The following PDE8A variants were observed in gnomAD, a reference collection of about 807,000 sequenced individuals.
The protein encoded by PDE8A is high affinity cAMP-specific and IBMX-insensitive 3',5'-cyclic phosphodiesterase 8A.
Under a neutral mutation model 105.0 loss-of-function variants are expected in PDE8A, and 59 were observed. That is an observed-to-expected ratio of 0.56 (90% CI 0.46 to 0.70). The LOEUF (loss-of-function observed/expected upper bound fraction) is 0.70, where lower values mean the gene tolerates loss of function less well. PDE8A is among the 30% of genes least tolerant of loss of function. The pLI is 0.00. For synonymous variants in PDE8A, 355 were observed against 371.9 expected, an observed-to-expected ratio of 0.95 and a Z score of 0.52; for missense variants, 1,014 against 1,045.9, an observed-to-expected ratio of 0.97 and a Z score of 0.42.
At chr15:84,999,666 C>G (rs1477716561) in intron 1 of PDE8A, among the ~76,000 whole-genome samples, 1 of 152,132 alleles carries the variant, frequency 6.6e-6, no homozygotes, top group Non-Finnish European at 1.5e-5. Context: ...CCTCTGCCTC[C>G]CGGGTTCAAG....
chr15:85,045,021 C>T (rs1477217973), intron 1 of PDE8A, among the ~76,000 whole-genome samples: 1 of 152,178 alleles, frequency 6.6e-6, no homozygotes, highest in Non-Finnish European at 1.5e-5. Context: ...CTCTTTGTTT[C>T]CTCCAGTGTC....
intron 6 of PDE8A, 106 bp from the exon 7 acceptor site, chr15:85,089,232 C>T (rs1217426030): frequency 3.0e-6 from 2 of 676,906 alleles, no homozygotes; most frequent in Non-Finnish European, 5.2e-6. Flanking sequence ...ATATTTTCTC[C>T]CTTCCTTATA....
chr15:85,019,184 GA>G (rs2080378444), intron 1 of PDE8A, among the ~76,000 whole-genome samples: 1 of 152,136 alleles, frequency 6.6e-6, no homozygotes, highest in African/African-American at 2.4e-5. Flanking sequence ...TTCTGTAAGG[GA>G]AATGTATATG....
Position 85,064,619 on chromosome 15 carries a change from G to A in PDE8A, c.243+193G>A, listed in dbSNP as rs546157606. On this transcript the variant is annotated intron_variant, in intron 2 of 21. Coordinates refer to ENST00000394553, the MANE Select transcript of PDE8A (RefSeq NM_002605.3). ...TCCTGTTCTTAGAAATACACATTGTGGTGTTTAGAGATGAAGAAGTGTTTG... is the reference window on the plus strand; with the variant it reads ...TCCTGTTCTTAGAAATACACATTGTAGTGTTTAGAGATGAAGAAGTGTTTG... Among the ~76,000 whole-genome samples, 2 of 152,276 alleles carry A rather than the reference G, an allele frequency of 1.3e-5. 1 individual carries two copies. The highest frequency in any genetic ancestry group is 4.1e-4 in the South Asian group (2 of 4,828).
intron 17 of PDE8A, 120 bp from the exon 18 acceptor site, chr15:85,120,677 C>T: frequency 1.5e-6 from 1 of 665,082 alleles, no homozygotes; most frequent in South Asian, 2.0e-5. Context: ...ACGTAGTATG[C>T]TTTTCTTAGA....
intron 1 of PDE8A, among the ~76,000 whole-genome samples, chr15:85,030,283 C>G (rs1344466783): frequency 2.0e-5 from 3 of 151,844 alleles, no homozygotes; most frequent in Non-Finnish European, 4.4e-5. Context: ...GTTCCTGGAA[C>G]CTGAGGTTGT....
At chr15:85,067,289 T>G in intron 3 of PDE8A, 85 bp downstream of exon 3, 1 of 982,542 alleles carries the variant, frequency 1.0e-6, no homozygotes, top group Non-Finnish European at 1.5e-6. Flanking sequence ...TTAGACTCAC[T>G]CTCTTTTAAG....
chr15:85,037,398 G>C (rs1196479255), intron 1 of PDE8A, among the ~76,000 whole-genome samples: 2 of 152,014 alleles, frequency 1.3e-5, no homozygotes, highest in East Asian at 1.9e-4. Context: ...TAACCATCCA[G>C]ATTAAAAAAG....
rs1319937100 is a variant in PDE8A, at chr15:84,982,310, C to T, written c.148C>T (p.Leu50Phe). ...CTTGCCCCGGACCCGCGGCGCCGGCCTCTTGGAGTCGGAGCTTCGCGACGG... is the reference window on the plus strand; with the variant it reads ...CTTGCCCCGGACCCGCGGCGCCGGCTTCTTGGAGTCGGAGCTTCGCGACGG... ...AALPRTRGAG[L>F]LESELRDGSG... The change falls in exon 1 of 22, where the codon CTC becomes TTC. Residue 50 changes from leucine to phenylalanine, a missense_variant. Transcript: ENST00000394553. The T allele has an allele frequency of 5.2e-6, 7 of 1,343,434 alleles. No homozygotes were observed. Among genetic ancestry groups the T allele is most frequent in the South Asian group, 1.9e-5 (1 of 52,726 alleles). 83.2% of individuals were successfully genotyped at this position (1,343,434 alleles called of 1,614,324 possible).
intron 1 of PDE8A, among the ~76,000 whole-genome samples, chr15:85,040,383 A>AG (rs1184850168): frequency 6.6e-6 from 1 of 150,892 alleles, no homozygotes; most frequent in African/African-American, 2.4e-5. Context: ...AAAAAAAAAA[A>AG]AAAAAAAGAA....
At chr15:85,038,982 G>T (rs753327923) in intron 1 of PDE8A, among the ~76,000 whole-genome samples, 2 of 152,084 alleles carry the variant, frequency 1.3e-5, no homozygotes, top group African/African-American at 4.8e-5. Context: ...TTAGCCAGGC[G>T]TGGTGGTTCA....
chr15:84,991,560 T>A (rs536068482), intron 1 of PDE8A, among the ~76,000 whole-genome samples: 1 of 152,254 alleles, frequency 6.6e-6, no homozygotes, highest in South Asian at 2.1e-4. Flanking sequence ...CCAGGTAGAG[T>A]TGAATATGTG....
chr15:84,993,299 C>T (rs907889991), intron 1 of PDE8A, among the ~76,000 whole-genome samples: 12 of 151,756 alleles, frequency 7.9e-5, no homozygotes, highest in South Asian at 2.1e-4. Context: ...AAAAATTAGC[C>T]GGGTGTGGTG....
At chr15:85,121,538 A>G (rs925122784) in intron 18 of PDE8A, among the ~76,000 whole-genome samples, 2 of 152,094 alleles carry the variant, frequency 1.3e-5, no homozygotes, top group African/African-American at 4.8e-5. Flanking sequence ...TTAGATTCTT[A>G]AGCTCTGTAA....
chr15:85,068,882 A>T (rs2081271635), intron 3 of PDE8A, among the ~76,000 whole-genome samples: 1 of 152,220 alleles, frequency 6.6e-6, no homozygotes, highest in African/African-American at 2.4e-5. Context: ...CACTGTTAAA[A>T]ATTGTGGTAA....
At chr15:85,120,401 A>G (rs1030001259) in intron 17 of PDE8A, 19 of 153,606 alleles carry the variant, frequency 1.2e-4, no homozygotes, top group African/African-American at 3.4e-4. Flanking sequence ...AAACTAAATC[A>G]ATTCCCAGTT....
At chr15:85,041,307 T>A (rs1476439024) in intron 1 of PDE8A, among the ~76,000 whole-genome samples, 2 of 152,232 alleles carry the variant, frequency 1.3e-5, no homozygotes, top group African/African-American at 4.8e-5. Context: ...GTAAAATGCT[T>A]AAAACATCAT....
At chr15:85,046,540 A>C (rs940012253) in intron 1 of PDE8A, among the ~76,000 whole-genome samples, 3 of 152,222 alleles carry the variant, frequency 2.0e-5, no homozygotes, top group African/African-American at 7.2e-5. Flanking sequence ...TGTACTAGAC[A>C]CTGTTTTGGG....
chr15:85,068,606 G>A (rs1339260939), intron 3 of PDE8A, among the ~76,000 whole-genome samples: 1 of 152,142 alleles, frequency 6.6e-6, no homozygotes, highest in African/African-American at 2.4e-5. Context: ...AGGAAGGGAA[G>A]ATGATATCTA....
Sources: allele counts gnomAD v4.1 joint callset (sites outside exome capture counted in the v4.1 genomes callset), GRCh38; gene constraint gnomAD v4.1.1; transcripts MANE v1.5; gene names NCBI Gene and HGNC (gene_info 2026-07-23, HGNC 2026-07-21).